Variants in DYM observed in about 807,000 individuals in gnomAD.
DYM encodes dymeclin, also known as dyggve-Melchior-Clausen syndrome protein.
DYM carries 78 observed loss-of-function variants against 93.1 expected under a neutral mutation model. The observed-to-expected ratio is 0.84, with a 90% CI of 0.70 to 1.01. DYM has a LOEUF of 1.01. Among genes scored for constraint, DYM ranks in the 50% least tolerant of loss-of-function variants. DYM has a pLI of 0.00. For synonymous variants in DYM, 321 were observed against 319.7 expected (o/e 1.00, Z -0.04); for missense variants, 789 against 845.0 (o/e 0.93, Z 0.82).
At chr18:49,401,734 T>C (rs2070853866) in intron 2 of DYM, among the ~76,000 whole-genome samples, 1 of 151,934 alleles carries the variant, frequency 6.6e-6, no homozygotes, top group African/African-American at 2.4e-5. Context: ...TATGAAAATT[T>C]TCACAACTAG....
At position 49,221,504 on chromosome 18, in the gene DYM, G is replaced by C. The variant is rs952691410; in HGVS notation, c.1461-11789C>G. Among the ~76,000 whole-genome samples, 78 of 151,710 alleles carry C rather than the reference G, an allele frequency of 5.1e-4. 1 individual carries two copies. In the East Asian group the frequency reaches 0.013, roughly 24 times the overall value. ...CACAATAGCAAAGACTTGGAACCAA[G>C]CCAAATGTCCAACAATGATAGACTG... On this transcript the variant is annotated intron_variant, in intron 13 of 17. Transcript: ENST00000675505.
intron 16 of DYM, among the ~76,000 whole-genome samples, chr18:49,100,215 T>C (rs1169603323): frequency 2.6e-5 from 4 of 152,174 alleles, no homozygotes; most frequent in African/African-American, 9.7e-5. Flanking sequence ...ATATTTTCTT[T>C]CCATGCTTCT....
intron 17 of DYM, among the ~76,000 whole-genome samples, chr18:49,096,495 A>G (rs2079558346): frequency 6.6e-6 from 1 of 152,232 alleles, no homozygotes; most frequent in Admixed American, 6.5e-5. Flanking sequence ...AACACTATGA[A>G]GGCCAAATAT....
At chr18:49,072,768 C>T (rs1281955604) in intron 17 of DYM, among the ~76,000 whole-genome samples, 1 of 152,194 alleles carries the variant, frequency 6.6e-6, no homozygotes, top group African/African-American at 2.4e-5. Flanking sequence ...CAGACAGCGC[C>T]GTGCAAATAG....
chr18:49,202,279 G>A (rs566705301), intron 14 of DYM, among the ~76,000 whole-genome samples: 7 of 152,344 alleles, frequency 4.6e-5, no homozygotes, highest in Middle Eastern at 3.4e-3. Context: ...CAACACACAG[G>A]GGGTGGTGGA....
At chr18:49,276,049 GAT>G (rs2094840287) in intron 10 of DYM, among the ~76,000 whole-genome samples, 1 of 152,098 alleles carries the variant, frequency 6.6e-6, no homozygotes, top group Non-Finnish European at 1.5e-5. Flanking sequence ...TTCCAATCTA[GAT>G]ATGTTTAATT....
chr18:49,372,832 AAAAG>A (rs201173286), intron 5 of DYM, among the ~76,000 whole-genome samples: 5,222 of 152,192 alleles, frequency 0.034, 161 homozygotes, highest in Non-Finnish European at 0.05. Context: ...AAATTAAAAA[AAAAG>A]AAAGAAAAGG....
chr18:49,306,573 C>T (rs2061288841), intron 8 of DYM, among the ~76,000 whole-genome samples: 2 of 151,462 alleles, frequency 1.3e-5, no homozygotes, highest in Admixed American at 1.3e-4. Context: ...ATTGAACAGG[C>T]ATGTGATTAC....
chr18:49,339,107 CT>C, intron 6 of DYM, among the ~76,000 whole-genome samples: 1 of 152,312 alleles, frequency 6.6e-6, no homozygotes, highest in Middle Eastern at 3.4e-3. Context: ...TGATATGCCC[CT>C]ATGCCCTAGA....
rs1329410533 is a variant in DYM, at chr18:49,224,325, T to C, written c.1461-14610A>G. On this transcript the variant is annotated intron_variant, in intron 13 of 17. Transcript: ENST00000675505. ...CCAAAAGATGACATTAGTCATCTGATTGGACATGCAGGTCTGAAGCCAGAG... is the reference window on the plus strand; with the variant it reads ...CCAAAAGATGACATTAGTCATCTGACTGGACATGCAGGTCTGAAGCCAGAG... 3.9e-5 allele frequency among the ~76,000 whole-genome samples: 6 copies of C among 152,098 alleles called. No homozygotes were observed. The East Asian group carries it at 1.2e-3, about 29-fold the overall frequency.
At chr18:49,451,825 A>C (rs2082540542) in intron 1 of DYM, among the ~76,000 whole-genome samples, 1 of 152,390 alleles carries the variant, frequency 6.6e-6, no homozygotes, top group Non-Finnish European at 1.5e-5. Context: ...AATCCTAGTC[A>C]CATTAATTGT....
chr18:49,157,031 T>C (rs1040071625), intron 15 of DYM, among the ~76,000 whole-genome samples: 1 of 152,048 alleles, frequency 6.6e-6, no homozygotes, highest in Non-Finnish European at 1.5e-5. Context: ...GTGGTCACTC[T>C]GGTTTGGCTT....
intron 17 of DYM, among the ~76,000 whole-genome samples, chr18:49,076,732 T>C (rs9304371): frequency 0.12 from 18,279 of 152,178 alleles, 1,344 homozygotes; most frequent in African/African-American, 0.21. Context: ...TTTTAACAGA[T>C]AATATATTTA....
At chr18:49,046,469 C>CCA (rs527877702) in intron 17 of DYM, among the ~76,000 whole-genome samples, 2 of 147,684 alleles carry the variant, frequency 1.4e-5, no homozygotes, top group South Asian at 2.2e-4. Flanking sequence ...GCAGACACAC[C>CCA]CACACACACA....
chr18:49,454,707 G>A (rs113015722), intron 1 of DYM, among the ~76,000 whole-genome samples: 13,644 of 151,310 alleles, frequency 0.09, 824 homozygotes, highest in East Asian at 0.3. Flanking sequence ...AGACCATCCT[G>A]GCTAACACAG....
At chr18:49,200,616 CCTTT>C (rs908638423) in intron 14 of DYM, among the ~76,000 whole-genome samples, 3 of 151,542 alleles carry the variant, frequency 2.0e-5, no homozygotes, top group African/African-American at 7.3e-5. Flanking sequence ...TAAATATAAC[CCTTT>C]CTTTAGGTTA....
chr18:49,206,983 G>T (rs1412169125), intron 14 of DYM, among the ~76,000 whole-genome samples: 1 of 152,164 alleles, frequency 6.6e-6, no homozygotes, highest in Non-Finnish European at 1.5e-5. Flanking sequence ...AGGGGAAGGA[G>T]GCTCAGGAAT....
chr18:49,056,504 C>T (rs887727723), intron 17 of DYM, among the ~76,000 whole-genome samples: 7 of 152,076 alleles, frequency 4.6e-5, no homozygotes, highest in African/African-American at 1.7e-4. Flanking sequence ...TAATAAAAGC[C>T]TATTCTTTTT....
At chr18:49,113,135 G>A (rs377539346) in intron 16 of DYM, among the ~76,000 whole-genome samples, 2 of 152,136 alleles carry the variant, frequency 1.3e-5, no homozygotes, top group Admixed American at 1.3e-4. Flanking sequence ...ACAATTGTGG[G>A]ACTGTCAAGT....
Sources: gnomAD v4.1 joint callset for allele counts (sites outside exome capture counted in the v4.1 genomes callset) on GRCh38, gnomAD v4.1.1 for gene constraint, MANE v1.5 for transcripts, NCBI Gene and HGNC (gene_info 2026-07-23, HGNC 2026-07-21) for gene names.